Variants in GRIA4 observed in about 807,000 individuals in gnomAD.
The protein encoded by GRIA4 is glutamate ionotropic receptor AMPA type subunit 4.
A neutral mutation model predicts 104.0 loss-of-function variants in GRIA4; 34 were observed. The ratio of observed to expected loss-of-function variants is 0.33; its 90% CI spans 0.25 to 0.44. The LOEUF is 0.44. Ranked by LOEUF, GRIA4 falls within the 20% of genes least tolerant of loss-of-function variation. GRIA4 has a pLI of 1.00. For missense variants in GRIA4, 750 were observed against 1,096.5 expected, an observed-to-expected ratio of 0.68 and a Z score of 4.46; for synonymous variants, 386 against 381.9, an observed-to-expected ratio of 1.01 and a Z score of -0.13.
chr11:105,641,769 T>C (rs1225715831), intron 3 of GRIA4, among the ~76,000 whole-genome samples: 1 of 152,198 alleles, frequency 6.6e-6, no homozygotes, highest in Non-Finnish European at 1.5e-5. Context: ...GCAGTGTTAC[T>C]AGTAGTCTAT....
chr11:105,973,670 T>C (rs1483218069), intron 15 of GRIA4, among the ~76,000 whole-genome samples: 1 of 152,142 alleles, frequency 6.6e-6, no homozygotes, highest in East Asian at 1.9e-4. Flanking sequence ...GATAATTATT[T>C]CTAAACAGTA....
intron 3 of GRIA4, among the ~76,000 whole-genome samples, chr11:105,639,941 CAT>C (rs1270549001): frequency 6.6e-6 from 1 of 151,898 alleles, no homozygotes; most frequent in East Asian, 1.9e-4. Context: ...ACAATGAATA[CAT>C]GTTTCCTATT....
At chr11:105,822,676 G>A (rs1041658320) in intron 4 of GRIA4, among the ~76,000 whole-genome samples, 2 of 152,110 alleles carry the variant, frequency 1.3e-5, no homozygotes, top group African/African-American at 4.8e-5. Flanking sequence ...AAAGTATGGT[G>A]AATTGGAGTT....
rs538733232 is a variant in GRIA4, at chr11:105,832,584, T to C, written c.488-29440T>C. 7.9e-5 allele frequency among the ~76,000 whole-genome samples: 12 copies of C among 152,040 alleles called. No individual in the cohort carries two copies. The South Asian group carries it at 2.5e-3, about 32-fold the overall frequency. On this transcript the variant is annotated intron_variant, in intron 4 of 16. Coordinates refer to ENST00000282499, the MANE Select transcript of GRIA4 (RefSeq NM_000829.4). ...AAACTGAAGCCGAGAGAAGTGATTA[T>C]TCCAGAGTGGAACTGTCCTCCGACT...
intron 5 of GRIA4, among the ~76,000 whole-genome samples, chr11:105,876,488 T>C (rs1338489801): frequency 6.6e-6 from 1 of 152,210 alleles, no homozygotes; most frequent in East Asian, 1.9e-4. Flanking sequence ...TCTGTCTCTT[T>C]GATCTGTCTA....
At chr11:105,811,555 G>C (rs1172505169) in intron 4 of GRIA4, among the ~76,000 whole-genome samples, 4 of 152,088 alleles carry the variant, frequency 2.6e-5, no homozygotes, top group African/African-American at 4.8e-5. Context: ...TAAGAAAATG[G>C]CATTGTCTAC....
At chr11:105,757,248 C>T (rs548528035) in intron 4 of GRIA4, among the ~76,000 whole-genome samples, 1 of 152,072 alleles carries the variant, frequency 6.6e-6, no homozygotes, top group African/African-American at 2.4e-5. Flanking sequence ...GTTATGTGTC[C>T]GGCTCCTTTA....
At chr11:105,727,648 G>A (rs1370312152) in intron 3 of GRIA4, among the ~76,000 whole-genome samples, 1 of 152,140 alleles carries the variant, frequency 6.6e-6, no homozygotes, top group Non-Finnish European at 1.5e-5. Flanking sequence ...CGCCCACAAA[G>A]GGAAGCCCAT....
intron 3 of GRIA4, among the ~76,000 whole-genome samples, chr11:105,748,149 T>C (rs1029522584): frequency 1.3e-5 from 2 of 152,192 alleles, no homozygotes; most frequent in Non-Finnish European, 2.9e-5. Flanking sequence ...TCATACAGCA[T>C]TGGCTGCGAC....
chr11:105,720,892 ATTAT>A (rs1163711385), intron 3 of GRIA4, among the ~76,000 whole-genome samples: 1 of 152,060 alleles, frequency 6.6e-6, no homozygotes, highest in African/African-American at 2.4e-5. Context: ...ATATTTTGAG[ATTAT>A]TTGATTTAAG....
intron 10 of GRIA4, chr11:105,912,050 T>C (rs530739454): frequency 1.8e-6 from 2 of 1,100,980 alleles, no homozygotes; most frequent in Non-Finnish European, 2.3e-6. Context: ...AAAAAAAAAA[T>C]TTTAAGTTCT....
intron 3 of GRIA4, among the ~76,000 whole-genome samples, chr11:105,726,882 C>T (rs1938245903): frequency 6.6e-6 from 1 of 151,970 alleles, no homozygotes; most frequent in Admixed American, 6.6e-5. Flanking sequence ...ATCCAAAGGT[C>T]ACCAACAGCA....
intron 10 of GRIA4, among the ~76,000 whole-genome samples, chr11:105,915,739 G>A (rs969024142): frequency 3.9e-5 from 6 of 152,044 alleles, no homozygotes; most frequent in Non-Finnish European, 7.4e-5. Context: ...TGTTCCCTAA[G>A]TCATATGAAA....
chr11:105,750,989 G>A (rs1939963460), intron 3 of GRIA4, among the ~76,000 whole-genome samples: 1 of 152,048 alleles, frequency 6.6e-6, no homozygotes, highest in Admixed American at 6.6e-5. Flanking sequence ...TTTTCAAGTG[G>A]CATACTTTAA....
intron 4 of GRIA4, among the ~76,000 whole-genome samples, chr11:105,823,161 T>A (rs1943637867): frequency 6.6e-6 from 1 of 152,154 alleles, no homozygotes; most frequent in African/African-American, 2.4e-5. Context: ...TTCATATCAC[T>A]GCTTACAAAA....
At chr11:105,719,442 A>G (rs1490277052) in intron 3 of GRIA4, among the ~76,000 whole-genome samples, 2 of 152,114 alleles carry the variant, frequency 1.3e-5, no homozygotes, top group Admixed American at 1.3e-4. Flanking sequence ...TTTTCTGAAT[A>G]TTAGAAACAG....
intron 4 of GRIA4, among the ~76,000 whole-genome samples, chr11:105,753,921 A>C (rs1359863256): frequency 6.6e-6 from 1 of 151,976 alleles, no homozygotes; most frequent in Admixed American, 6.6e-5. Context: ...CAGGTGAGCC[A>C]CCCTCCAGGA....
At chr11:105,726,965 C>A (rs1269750061) in intron 3 of GRIA4, among the ~76,000 whole-genome samples, 5 of 152,000 alleles carry the variant, frequency 3.3e-5, no homozygotes, top group Non-Finnish European at 7.4e-5. Flanking sequence ...CCAAAAACTA[C>A]AATGCCTCTT....
At chr11:105,658,086 T>G (rs1338467405) in intron 3 of GRIA4, among the ~76,000 whole-genome samples, 2 of 151,854 alleles carry the variant, frequency 1.3e-5, no homozygotes, top group Non-Finnish European at 2.9e-5. Context: ...ATAGTAGAAT[T>G]TTTTTAAAGT....
Sources: gnomAD v4.1 joint callset for allele counts (sites outside exome capture counted in the v4.1 genomes callset) on GRCh38, gnomAD v4.1.1 for gene constraint, MANE v1.5 for transcripts, NCBI Gene and HGNC (gene_info 2026-07-23, HGNC 2026-07-21) for gene names.